SH3PXD2B: variants seen among roughly 807,000 people sequenced by gnomAD.
The protein encoded by SH3PXD2B is SH3 and PX domain-containing protein 2B.
A neutral mutation model predicts 73.1 loss-of-function variants in SH3PXD2B; 37 were observed. That is an observed-to-expected ratio of 0.51 (90% CI 0.39 to 0.67). The LOEUF (loss-of-function observed/expected upper bound fraction) is 0.67. SH3PXD2B is among the 30% of genes least tolerant of loss of function. SH3PXD2B has a pLI of 0.00. For missense variants in SH3PXD2B, 1,053 were observed against 1,197.8 expected, an observed-to-expected ratio of 0.88 and a Z score of 1.78; for synonymous variants, 457 against 480.5, an observed-to-expected ratio of 0.95 and a Z score of 0.64.
At chr5:172,342,061 G>A (rs1193436578) in intron 12 of SH3PXD2B, among the ~76,000 whole-genome samples, 1 of 152,184 alleles carries the variant, frequency 6.6e-6, no homozygotes, top group Non-Finnish European at 1.5e-5. Context: ...CACAGGGACT[G>A]AGGGATGACC....
chr5:172,328,250 C>T (rs543197504), intron 12 of SH3PXD2B, among the ~76,000 whole-genome samples: 56 of 151,790 alleles, frequency 3.7e-4, no homozygotes, highest in Non-Finnish European at 6.9e-4. Context: ...GGACTACAGG[C>T]GTGTGCCACC....
exon 13 of SH3PXD2B, chr5:172,325,250 A>G (rs966069795): frequency 1.3e-5 from 20 of 1,485,402 alleles, no homozygotes; most frequent in Non-Finnish European, 1.8e-5. Flanking sequence ...ATTCATGTTC[A>G]CAGCAGCAAG....
At chr5:172,414,867 T>C (rs1045293656) in intron 2 of SH3PXD2B, among the ~76,000 whole-genome samples, 1 of 152,158 alleles carries the variant, frequency 6.6e-6, no homozygotes, top group Admixed American at 6.5e-5. Context: ...TCCTGCTCCA[T>C]TGCACCTCTG....
chr5:172,384,449 C>A (rs369725915), intron 4 of SH3PXD2B, among the ~76,000 whole-genome samples: 1 of 152,142 alleles, frequency 6.6e-6, no homozygotes, highest in African/African-American at 2.4e-5. Flanking sequence ...CTACCAGCAC[C>A]GCCATCCATC....
intron 12 of SH3PXD2B, among the ~76,000 whole-genome samples, chr5:172,327,009 A>G (rs1420386579): frequency 6.6e-6 from 1 of 151,938 alleles, no homozygotes; most frequent in African/African-American, 2.4e-5. Context: ...GGCATGCGCC[A>G]CCACCAAGCC....
intron 6 of SH3PXD2B, among the ~76,000 whole-genome samples, chr5:172,365,430 G>C (rs1757491829): frequency 6.6e-6 from 1 of 152,192 alleles, no homozygotes. Context: ...TGGGTGTTGG[G>C]GCACGACAGT....
intron 2 of SH3PXD2B, among the ~76,000 whole-genome samples, chr5:172,407,313 T>A (rs941120110): frequency 1.3e-5 from 2 of 152,214 alleles, no homozygotes. Context: ...GAGACATGTG[T>A]CACTTCAGGG....
At chr5:172,423,627 G>C (rs1029136591) in intron 1 of SH3PXD2B, among the ~76,000 whole-genome samples, 1 of 151,784 alleles carries the variant, frequency 6.6e-6, no homozygotes, top group South Asian at 2.1e-4. Flanking sequence ...ATCACAGCCA[G>C]TAGGAGTCTG....
At chr5:172,347,105 C>T (rs1757013651) in intron 11 of SH3PXD2B, among the ~76,000 whole-genome samples, 178 bp downstream of exon 11, 2 of 152,198 alleles carry the variant, frequency 1.3e-5, no homozygotes, top group Admixed American at 1.3e-4. Context: ...CACCTGCCTG[C>T]ACCTCCGTCT....
chr5:172,339,813 G>T lies in SH3PXD2B; in HGVS notation c.1292C>A (p.Ala431Glu). Reference protein sequence around the residue: ...FIDKYKKTSNASRPNFLAPLP... With the variant: ...FIDKYKKTSNESRPNFLAPLP... ...GGGAGCCAGAAAGTTGGGTCTCGAC[G>T]CGTTGCTCGTCTTCTTGTACTTGTC... Residue 431 changes from alanine (A) to glutamate (E), a missense_variant, in exon 13 of 13, where the codon GCG becomes GAG. Ala to Glu is a moderately radical substitution (Grantham distance 107). Around this residue, in one of 2 missense-constraint regions of SH3PXD2B, gnomAD observed 466 missense variants for 607.1 expected, o/e 0.77. Coordinates refer to ENST00000311601, the MANE Select transcript of SH3PXD2B (RefSeq NM_001017995.3). The surrounding 1 kb of genome is among the most constrained non-coding windows in gnomAD (Gnocchi z 6.1). 5 of 1,613,942 alleles carry T rather than the reference G, an allele frequency of 3.1e-6. No homozygotes were observed. Among genetic ancestry groups the T allele is most frequent in the Non-Finnish European group, 4.2e-6 (5 of 1,179,766 alleles).
At chr5:172,366,592 C>A (rs944439471) in intron 6 of SH3PXD2B, among the ~76,000 whole-genome samples, 1 of 152,158 alleles carries the variant, frequency 6.6e-6, no homozygotes, top group Non-Finnish European at 1.5e-5. Context: ...CTGGTACCAG[C>A]CTTGACCCTG....
intron 6 of SH3PXD2B, among the ~76,000 whole-genome samples, chr5:172,368,498 A>ATATATATATAAAAAATATATATAT (rs1757587764): frequency 1.7e-4 from 1 of 5,832 alleles, no homozygotes; most frequent in Admixed American, 3.2e-3. Context: ...TATATATATT[A>ATATATATATAAAAAATATATATAT]TATATATATA....
chr5:172,453,532 C>T (rs1759850539), intron 1 of SH3PXD2B, among the ~76,000 whole-genome samples: 1 of 152,208 alleles, frequency 6.6e-6, no homozygotes, highest in South Asian at 2.1e-4. Context: ...CCGAATGCAG[C>T]TCTATGTTCC....
chr5:172,346,342 G>A (rs960263989), intron 11 of SH3PXD2B, 81 bp from the exon 12 acceptor site: 136 of 1,602,990 alleles, frequency 8.5e-5, no homozygotes, highest in Non-Finnish European at 1.1e-4. Flanking sequence ...TAAGGGCCTG[G>A]GGCATGCAAT....
chr5:172,432,334 G>A (rs1230251242), intron 1 of SH3PXD2B, among the ~76,000 whole-genome samples: 1 of 152,198 alleles, frequency 6.6e-6, no homozygotes, highest in Non-Finnish European at 1.5e-5. Flanking sequence ...TGTTAGCACA[G>A]CATTTGTGGG....
Position 172,335,797 on chromosome 5 carries a change from TG to T in SH3PXD2B, c.*2571del. On this transcript the variant is annotated 3_prime_UTR_variant, in exon 13 of 13. Transcript: ENST00000311601. ...CTGACCCACCCACTGCCTGGGGAAG[TG>T]TCTACCATTGTAGGAAAAGGAGCTG... 2 of 1,229,994 alleles carry T rather than the reference TG, an allele frequency of 1.6e-6. No homozygotes were observed. Among genetic ancestry groups the T allele is most frequent in the Non-Finnish European group, 2.0e-6 (2 of 987,518 alleles). The allele number at this position is 1,229,994 out of a possible 1,614,324, so 76.2% of individuals were successfully genotyped here.
intron 1 of SH3PXD2B, among the ~76,000 whole-genome samples, chr5:172,443,253 G>A (rs1002397236): frequency 4.6e-5 from 7 of 152,194 alleles, no homozygotes; most frequent in Non-Finnish European, 7.3e-5. Flanking sequence ...TAAGGGAATC[G>A]CTATTTGTGA....
chr5:172,349,304 G>C (rs919224890), intron 10 of SH3PXD2B, among the ~76,000 whole-genome samples: 1 of 152,242 alleles, frequency 6.6e-6, no homozygotes, highest in Admixed American at 6.5e-5. Flanking sequence ...GTAGCTGGAA[G>C]TCCTTTCTCA....
chr5:172,403,847 T>C (rs1487854467), intron 3 of SH3PXD2B, among the ~76,000 whole-genome samples: 2 of 152,266 alleles, frequency 1.3e-5, no homozygotes, highest in African/African-American at 4.8e-5. Context: ...ACCCTGTTTC[T>C]GCCTTTACCA....
Sources: allele counts gnomAD v4.1 joint callset (sites outside exome capture counted in the v4.1 genomes callset), GRCh38; gene constraint gnomAD v4.1.1; regional missense constraint gnomAD v4.1.1; non-coding constraint Gnocchi (gnomAD v3.1); transcripts MANE v1.5; gene names NCBI Gene and HGNC (gene_info 2026-07-23, HGNC 2026-07-21).